HVCN1: variants seen among roughly 807,000 people sequenced by gnomAD.
The protein encoded by HVCN1 is voltage-gated hydrogen channel 1.
A neutral mutation model predicts 29.2 loss-of-function variants in HVCN1; 14 were observed. The ratio of observed to expected loss-of-function variants is 0.48; its 90% CI spans 0.32 to 0.75. HVCN1 has a LOEUF of 0.75. Among genes scored for constraint, HVCN1 ranks in the 30% least tolerant of loss-of-function variants. HVCN1 has a pLI of 0.04. For missense variants in HVCN1, 263 were observed against 341.8 expected, an observed-to-expected ratio of 0.77 and a Z score of 1.82; for synonymous variants, 131 against 133.2, an observed-to-expected ratio of 0.98 and a Z score of 0.11.
In HVCN1 at chr12:110,676,232, C is replaced by T. The variant is rs949803441; in HGVS notation, c.21+6993G>A. Among the ~76,000 whole-genome samples the T allele has an allele frequency of 6.6e-6, 1 of 152,232 alleles. No homozygotes were observed. Among genetic ancestry groups the T allele is most frequent in the Admixed American group, 6.5e-5 (1 of 15,288 alleles). Reference sequence around the variant, plus strand: ...ACTTCCCCCACCCTCTGCCACTGCCCTGGCCAACCCCCTGCCTCACTTGGA... The same window carrying T: ...ACTTCCCCCACCCTCTGCCACTGCCTTGGCCAACCCCCTGCCTCACTTGGA... On this transcript the variant is annotated intron_variant, in intron 3 of 7. Coordinates refer to ENST00000242607, the MANE Select transcript of HVCN1 (RefSeq NM_032369.4). The surrounding 1 kb of genome is among the most constrained non-coding windows in gnomAD (Gnocchi z 4.1).
chr12:110,664,732 A>G (rs889758468), intron 3 of HVCN1, among the ~76,000 whole-genome samples: 1 of 152,204 alleles, frequency 6.6e-6, no homozygotes, highest in Non-Finnish European at 1.5e-5. Context: ...CTGCTTGGCA[A>G]TGTACCAGAA....
intron 2 of HVCN1, among the ~76,000 whole-genome samples, chr12:110,697,344 G>A (rs1410530824): frequency 1.3e-5 from 2 of 152,120 alleles, no homozygotes; most frequent in Non-Finnish European, 2.9e-5. Context: ...GGCTGCAAAG[G>A]AGACAGAAAG....
intron 2 of HVCN1, among the ~76,000 whole-genome samples, chr12:110,685,490 G>A (rs1422827165): frequency 1.3e-5 from 2 of 152,208 alleles, no homozygotes; most frequent in Non-Finnish European, 1.5e-5. Flanking sequence ...AGCAGCCACA[G>A]AAGACTAACA....
At chr12:110,691,223 C>G (rs914361168), upstream of HVCN1, among the ~76,000 whole-genome samples, 1 of 151,896 alleles carries the variant, frequency 6.6e-6, no homozygotes, top group South Asian at 2.1e-4. Flanking sequence ...CCACCACGCT[C>G]GGTTAAATGT....
rs2068770362 is a variant in HVCN1, at chr12:110,676,990, G to A, written c.21+6235C>T. Among the ~76,000 whole-genome samples, 1 of 151,998 alleles carries A rather than the reference G, an allele frequency of 6.6e-6. No individual in the cohort carries two copies. The highest frequency in any genetic ancestry group is 6.6e-5 in the Admixed American group (1 of 15,250). ...TTGGGAGGCTGAGGGGGATCACTGA[G>A]TTCAGGAGTTCAAGACCAGCCTGGG... On this transcript the variant is annotated intron_variant, in intron 3 of 7. Coordinates refer to ENST00000242607, the MANE Select transcript of HVCN1 (RefSeq NM_032369.4). The surrounding 1 kb of genome is among the most constrained non-coding windows in gnomAD (Gnocchi z 4.1).
chr12:110,676,634 C>T lies in HVCN1; in HGVS notation c.21+6591G>A, dbSNP rs1028669327. 6.6e-6 allele frequency among the ~76,000 whole-genome samples: 1 copy of T among 152,146 alleles called. No individual in the cohort carries two copies. Among genetic ancestry groups the T allele is most frequent in the Non-Finnish European group, 1.5e-5 (1 of 68,012 alleles). ...ATTGGGTCTCTAAGGAACTGCTCTG[C>T]TTGCAAACACTTCACACATCTTGTC... On this transcript the variant is annotated intron_variant, in intron 3 of 7. Transcript: ENST00000242607. This position sits in a 1 kb window ranked among gnomAD's most constrained non-coding sequence, Gnocchi z 4.1.
intron 4 of HVCN1, among the ~76,000 whole-genome samples, chr12:110,660,548 T>C (rs1239588441): frequency 6.6e-6 from 1 of 152,208 alleles, no homozygotes; most frequent in African/African-American, 2.4e-5. Flanking sequence ...ATTTACCCTT[T>C]ATTTATTTTT....
intron 4 of HVCN1, among the ~76,000 whole-genome samples, chr12:110,657,997 C>T (rs2068044765): frequency 6.6e-6 from 1 of 152,154 alleles, no homozygotes; most frequent in African/African-American, 2.4e-5. Flanking sequence ...ACATTTTCTA[C>T]CCCAGAGCAA....
intron 2 of HVCN1, among the ~76,000 whole-genome samples, chr12:110,686,666 T>G (rs1035343784): frequency 1.2e-4 from 19 of 152,164 alleles, no homozygotes; most frequent in Non-Finnish European, 2.6e-4. Flanking sequence ...AAAACTACCA[T>G]GCCCTTCTCC....
At chr12:110,666,891 T>C (rs1309829545) in intron 3 of HVCN1, among the ~76,000 whole-genome samples, 2 of 152,222 alleles carry the variant, frequency 1.3e-5, no homozygotes, top group Admixed American at 6.5e-5. Context: ...GAAACTGTTA[T>C]GTGCAGCCAC....
Position 110,661,268 on chromosome 12 carries a change from T to C in HVCN1, c.202A>G (p.Arg68Gly). ...PPTPVSGEEGRAAAPDVAPAP... is the reference protein window; with the variant it reads ...PPTPVSGEEGGAAAPDVAPAP... ...GGGGCAACGTCAGGGGCTGCAGCTC[T>C]GCCTTCCTCGCCTGAGACTGGTGTG... Residue 68 changes from arginine to glycine, a missense_variant, in exon 4 of 8, where the codon AGA becomes GGA. Physicochemically the swap from Arg to Gly is moderately radical, Grantham distance 125. Around this residue, in one of 3 missense-constraint regions of HVCN1, gnomAD observed 157 missense variants for 181.3 expected, o/e 0.87. Coordinates refer to ENST00000242607, the MANE Select transcript of HVCN1 (RefSeq NM_032369.4). This position sits in a 1 kb window ranked among gnomAD's most constrained non-coding sequence, Gnocchi z 6.2. The C allele has an allele frequency of 6.2e-7, 1 of 1,614,220 alleles. No homozygotes were observed. The highest frequency in any genetic ancestry group is 2.2e-5 in the East Asian group (1 of 44,882).
At chr12:110,653,557 T>C (rs563848445) in intron 5 of HVCN1, among the ~76,000 whole-genome samples, 48 of 151,744 alleles carry the variant, frequency 3.2e-4, no homozygotes, top group African/African-American at 1.2e-3. Context: ...AAAGACATTC[T>C]TGGGCTGGAC....
At chr12:110,653,083 A>G (rs1348837162) in intron 5 of HVCN1, among the ~76,000 whole-genome samples, 4 of 152,178 alleles carry the variant, frequency 2.6e-5, no homozygotes, top group Non-Finnish European at 5.9e-5. Context: ...AATCCAGAAC[A>G]TGGGACATTC....
rs955624123 is a variant in HVCN1, at chr12:110,666,107, A to G, written c.22-4659T>C. The stretch of plus-strand genomic sequence containing the variant: ...AATCACTGGATGGGCTTAACAGCTG[A>G]TAACATATTACCAAAGAAAAGATCA... On this transcript the variant is annotated intron_variant, in intron 3 of 7. Transcript: ENST00000242607. Among the ~76,000 whole-genome samples the G allele has an allele frequency of 3.9e-5, 6 of 152,048 alleles. No homozygotes were observed. The South Asian group carries it at 6.2e-4, about 16-fold the overall frequency.
At chr12:110,695,761 G>A (rs2069479418) in intron 2 of HVCN1, among the ~76,000 whole-genome samples, 4 of 152,294 alleles carry the variant, frequency 2.6e-5, no homozygotes, top group South Asian at 2.1e-4. Context: ...CAGCATGTGC[G>A]AAGGGCCTGA....
intron 3 of HVCN1, among the ~76,000 whole-genome samples, chr12:110,671,029 T>C (rs2068557298): frequency 6.6e-6 from 1 of 152,000 alleles, no homozygotes; most frequent in Admixed American, 6.6e-5. Flanking sequence ...CCGTCTCTAC[T>C]AAAAATATAA....
At chr12:110,690,130 G>A (rs2069371127), upstream of HVCN1, among the ~76,000 whole-genome samples, 1 of 152,240 alleles carries the variant, frequency 6.6e-6, no homozygotes, top group Admixed American at 6.5e-5. Flanking sequence ...GCCTTCTGGA[G>A]GCGCCAGGGT....
chr12:110,649,262 T>C lies in HVCN1; in HGVS notation c.*148A>G, dbSNP rs1487149783. The C allele has an allele frequency of 7.8e-5, 54 of 692,722 alleles. No individual in the cohort carries two copies. The highest frequency in any genetic ancestry group is 1.3e-4 in the Non-Finnish European group (51 of 380,222). 42.9% of individuals were successfully genotyped at this position (692,722 alleles called of 1,614,324 possible). A position where few individuals can be genotyped will look rare whatever the true frequency, so the allele number is the denominator to read the frequency against. ...TGGTACTGGACCTTCCACAAGGCTG[T>C]GTCCACCCAGAATCCATGCTGGCAG... On this transcript the variant is annotated 3_prime_UTR_variant, in exon 8 of 8. Coordinates refer to ENST00000242607, the MANE Select transcript of HVCN1 (RefSeq NM_032369.4).
intron 3 of HVCN1, among the ~76,000 whole-genome samples, chr12:110,666,190 G>A (rs1814743): frequency 0.08 from 12,103 of 152,052 alleles, 518 homozygotes; most frequent in Middle Eastern, 0.11. Flanking sequence ...AGGCTGAGGC[G>A]GGCGGATCAC....
Sources: gnomAD v4.1 joint callset for allele counts (sites outside exome capture counted in the v4.1 genomes callset) on GRCh38, gnomAD v4.1.1 for gene constraint, gnomAD v4.1.1 regional missense constraint, Gnocchi (gnomAD v3.1) non-coding constraint, MANE v1.5 for transcripts, NCBI Gene and HGNC (gene_info 2026-07-23, HGNC 2026-07-21) for gene names.